C1orf53: variants seen among roughly 807,000 people sequenced by gnomAD.
C1orf53 encodes the protein chromosome 1 open reading frame 53.
Under a neutral mutation model 17.5 loss-of-function variants are expected in C1orf53, and 23 were observed. The observed-to-expected ratio is 1.31, with a 90% confidence interval of 0.94 to 1.86. The LOEUF is 1.86. Ranked by LOEUF, C1orf53 falls within the 40% of genes most tolerant of loss-of-function variation. The pLI is 0.00. For synonymous variants in C1orf53, 108 were observed against 81.9 expected (o/e 1.32, Z -1.72); for missense variants, 255 against 193.2 (o/e 1.32, Z -1.89).
chr1:197,904,520 A>G (rs1571767298), intron 1 of C1orf53, among the ~76,000 whole-genome samples: 1 of 152,312 alleles, frequency 6.6e-6, no homozygotes, highest in East Asian at 1.9e-4. Context: ...TTTTTCTTCC[A>G]AGTCTCCAAA....
Position 197,902,845 on chromosome 1 carries a change from C to A in C1orf53, c.196C>A (p.Pro66Thr). Residue 66 changes from proline (P) to threonine (T), a missense_variant, in exon 1 of 3, where the codon CCT (proline) becomes ACT (threonine). Physicochemically the swap from Pro to Thr is conservative, Grantham distance 38 (BLOSUM62 -1). Transcript: ENST00000367393. ...TPGRPERAARPSVSEELTAAE... is the reference protein window; with the variant it reads ...TPGRPERAARTSVSEELTAAE... ...CGGTAGGCCGGAGAGAGCGGCGAGG[C>A]CTTCGGTGAGCGAAGAGTTAACCGC... The A allele has an allele frequency of 6.4e-7, 1 of 1,552,456 alleles. No individual in the cohort carries two copies. The highest frequency in any genetic ancestry group is 8.6e-7 in the Non-Finnish European group (1 of 1,156,550).
At chr1:197,905,755 A>C in intron 1 of C1orf53, 41 bp from the exon 2 acceptor site, 2 of 1,271,894 alleles carry the variant, frequency 1.6e-6, no homozygotes, top group South Asian at 1.2e-5. Flanking sequence ...GATATGATGA[A>C]TATTGAGATT....
rs771225782 is a variant in C1orf53 at position 197,903,208 on chromosome 1, G to C, written c.264+295G>C. Among the ~76,000 whole-genome samples, 138 of 152,242 alleles carry C rather than the reference G, an allele frequency of 9.1e-4. 1 individual carries two copies. The highest frequency in any genetic ancestry group is 2.2e-4 in the Non-Finnish European group (15 of 68,048). On this transcript the variant is annotated intron_variant, in intron 1 of 2. Transcript: ENST00000367393. ...ACTACCACTCTTTTGTGGTGTATGTGTGTGTGTGTTGCGGAAGGGGGTGTT... is the reference window on the plus strand; with the variant it reads ...ACTACCACTCTTTTGTGGTGTATGTCTGTGTGTGTTGCGGAAGGGGGTGTT...
In C1orf53 at chr1:197,907,145, G is replaced by A. The variant is rs775669029; in HGVS notation, c.367-4G>A. On this transcript the variant is annotated splice_polypyrimidine_tract_variant and splice_region_variant and intron_variant, in intron 2 of 2. Coordinates refer to ENST00000367393, the MANE Select transcript of C1orf53 (RefSeq NM_001024594.3). ...AATAATAATTTGTTTTATTTCTTCTGCAGTGTCCATATGGTCAAGTCAATG... is the reference window on the plus strand; with the variant it reads ...AATAATAATTTGTTTTATTTCTTCTACAGTGTCCATATGGTCAAGTCAATG... The A allele has an allele frequency of 6.6e-7, 1 of 1,518,686 alleles. No homozygotes were observed. Among genetic ancestry groups the A allele is most frequent in the East Asian group, 2.3e-5 (1 of 43,662 alleles). The allele number at this position is 1,518,686 out of a possible 1,614,324, so 94.1% of individuals were successfully genotyped here.
Position 197,907,253 on chromosome 1 carries a change from TG to T in C1orf53, c.*34del. 2.3e-6 allele frequency: 3 copies of T among 1,297,132 alleles called. No homozygotes were observed. The highest frequency in any genetic ancestry group is 3.3e-6 in the Non-Finnish European group (3 of 918,932). 80.4% of individuals were successfully genotyped at this position (1,297,132 alleles called of 1,614,324 possible). A position where few individuals can be genotyped will look rare whatever the true frequency, so the allele number is the denominator to read the frequency against. On this transcript the variant is annotated 3_prime_UTR_variant, in exon 3 of 3. Coordinates refer to ENST00000367393, the MANE Select transcript of C1orf53 (RefSeq NM_001024594.3). ...TTCATCTCTGTTCCCTAACTGTGCTTGTATTTTTTAAAAAATAAAGCCCCAA... is the reference window on the plus strand; with the variant it reads ...TTCATCTCTGTTCCCTAACTGTGCTTTATTTTTTAAAAAATAAAGCCCCAA...
At chr1:197,906,814 C>A (rs149989010) in intron 2 of C1orf53, among the ~76,000 whole-genome samples, 2,233 of 152,302 alleles carry the variant, frequency 0.015, 26 homozygotes, top group Non-Finnish European at 0.022. Context: ...AAAAATTAAA[C>A]CTTCCGTTTT....
chr1:197,907,048 T>C (rs1041563297), intron 2 of C1orf53, 101 bp from the exon 3 acceptor site: 2 of 705,202 alleles, frequency 2.8e-6, no homozygotes, highest in Non-Finnish European at 4.7e-6. Flanking sequence ...AAATGATCTA[T>C]ATAAAATTGT....
chr1:197,903,037 G>A, intron 1 of C1orf53, 124 bp downstream of exon 1: 1 of 929,038 alleles, frequency 1.1e-6, no homozygotes, highest in Non-Finnish European at 1.4e-6. Context: ...GGATACCGGT[G>A]CGGTCCTGCC....
At chr1:197,906,047 C>T in intron 2 of C1orf53, 150 bp downstream of exon 2, 1 of 634,920 alleles carries the variant, frequency 1.6e-6, no homozygotes, top group Non-Finnish European at 2.8e-6. Flanking sequence ...CAATGAAGTC[C>T]TTAGTACCAA....
At chr1:197,905,668 C>T (rs1004365375) in intron 1 of C1orf53, 128 bp from the exon 2 acceptor site, 26 of 656,286 alleles carry the variant, frequency 4.0e-5, no homozygotes, top group Non-Finnish European at 6.3e-5. Context: ...GCAAGTGCCA[C>T]TAAAACTGCT....
intron 1 of C1orf53, 112 bp downstream of exon 1, chr1:197,903,025 CT>C: frequency 9.6e-7 from 1 of 1,038,766 alleles, no homozygotes; most frequent in Non-Finnish European, 1.3e-6. Flanking sequence ...GCAAAGGTTG[CT>C]GGATACCGGT....
intron 1 of C1orf53, 47 bp from the exon 2 acceptor site, chr1:197,905,749 T>C (rs766893516): frequency 3.3e-6 from 4 of 1,215,948 alleles, no homozygotes; most frequent in Non-Finnish European, 4.9e-6. Flanking sequence ...TGAAGAGATA[T>C]GATGAATATT....
intron 1 of C1orf53, among the ~76,000 whole-genome samples, chr1:197,905,339 C>A (rs753636286): frequency 6.6e-6 from 1 of 151,998 alleles, no homozygotes; most frequent in Non-Finnish European, 1.5e-5. Flanking sequence ...CTATAAGGAC[C>A]GTTGGTTTTG....
intron 1 of C1orf53, among the ~76,000 whole-genome samples, chr1:197,904,464 T>C (rs1659490200): frequency 1.3e-5 from 2 of 152,214 alleles, no homozygotes; most frequent in Non-Finnish European, 1.5e-5. Context: ...CCAGAAGCTA[T>C]GAAAAGTAAA....
intron 2 of C1orf53, among the ~76,000 whole-genome samples, chr1:197,906,817 T>C (rs1659528998): frequency 6.6e-6 from 1 of 152,222 alleles, no homozygotes; most frequent in African/African-American, 2.4e-5. Flanking sequence ...AATTAAACCT[T>C]CCGTTTTATG....
chr1:197,902,967 C>T, intron 1 of C1orf53, 54 bp downstream of exon 1: 2 of 1,325,728 alleles, frequency 1.5e-6, no homozygotes, highest in South Asian at 2.0e-5. Context: ...GGGCTCGGCG[C>T]GCCTGCGCAT....
Position 197,904,146 on chromosome 1 carries a change from A to AC in C1orf53, c.264+1234dup, listed in dbSNP as rs1444573693. Among the ~76,000 whole-genome samples the AC allele has an allele frequency of 3.9e-5, 6 of 152,160 alleles. No individual in the cohort carries two copies. In the East Asian group the frequency reaches 7.7e-4, roughly 20 times the overall value. ...ACAAGCTGCTTGTTTTTCTTTTTCG[A>AC]CAAATCTGAGCCCCCTCACTATGGT... On this transcript the variant is annotated intron_variant, in intron 1 of 2. Coordinates refer to ENST00000367393, the MANE Select transcript of C1orf53 (RefSeq NM_001024594.3).
At chr1:197,907,028 C>T in intron 2 of C1orf53, 121 bp from the exon 3 acceptor site, 1 of 595,590 alleles carries the variant, frequency 1.7e-6, no homozygotes, top group South Asian at 2.4e-5. Context: ...TCTGCAGGAC[C>T]TGATAGTTCA....
intron 1 of C1orf53, 65 bp downstream of exon 1, chr1:197,902,978 C>CCCGGGCCTCT: frequency 1.5e-6 from 2 of 1,309,470 alleles, no homozygotes; most frequent in South Asian, 4.3e-5. Flanking sequence ...GCCTGCGCAT[C>CCCGGGCCTCT]CCGGGCCTCT....
Sources: allele counts gnomAD v4.1 joint callset (sites outside exome capture counted in the v4.1 genomes callset), GRCh38; gene constraint gnomAD v4.1.1; transcripts MANE v1.5; gene names NCBI Gene and HGNC (gene_info 2026-07-23, HGNC 2026-07-21).